Variants in HYCC1 observed in about 807,000 individuals in gnomAD.
HYCC1 encodes the protein hyccin.
chr7:22,957,921 T>C, the HYCC1 span, among the ~76,000 whole-genome samples: 1 of 151,878 alleles, frequency 6.6e-6, no homozygotes, highest in Non-Finnish European at 1.5e-5. Context: ...TATAAACAAA[T>C]TTTGTTTTGA....
the HYCC1 span, among the ~76,000 whole-genome samples, chr7:22,984,934 T>A: frequency 6.6e-6 from 1 of 152,068 alleles, no homozygotes; most frequent in Non-Finnish European, 1.5e-5. Context: ...CAGAGAGTAA[T>A]GGGAAGAGAT....
the HYCC1 span, among the ~76,000 whole-genome samples, chr7:22,929,621 T>C: frequency 1.3e-5 from 2 of 152,046 alleles, no homozygotes; most frequent in South Asian, 2.1e-4. Context: ...ATCAGAGAAA[T>C]GCAAATCAAA....
chr7:22,899,869 G>T, the HYCC1 span, among the ~76,000 whole-genome samples: 1 of 151,674 alleles, frequency 6.6e-6, no homozygotes, highest in African/African-American at 2.4e-5. Context: ...TTTTTTTAAA[G>T]AAAAGTTATG....
the HYCC1 span, among the ~76,000 whole-genome samples, chr7:22,947,511 A>G: frequency 4.8e-4 from 73 of 152,222 alleles, no homozygotes; most frequent in African/African-American, 1.7e-3. Flanking sequence ...CACATTTCAC[A>G]TGGAATATGA....
chr7:22,989,573 G>A, the HYCC1 span, among the ~76,000 whole-genome samples: 5 of 151,712 alleles, frequency 3.3e-5, no homozygotes, highest in Admixed American at 3.3e-4. Flanking sequence ...GCCTAGGCTG[G>A]TCTTAAACTC....
At chr7:22,953,079 A>G in the HYCC1 span, among the ~76,000 whole-genome samples, 1 of 151,970 alleles carries the variant, frequency 6.6e-6, no homozygotes, top group Non-Finnish European at 1.5e-5. Context: ...CTCCTTATTG[A>G]GGTGGATTCA....
the HYCC1 span, chr7:22,961,134 T>A: frequency 1.2e-5 from 9 of 754,712 alleles, no homozygotes; most frequent in South Asian, 1.3e-4. Flanking sequence ...ATACACTGAG[T>A]ATTAATGACA....
At chr7:22,903,259 CT>C in the HYCC1 span, among the ~76,000 whole-genome samples, 1 of 151,848 alleles carries the variant, frequency 6.6e-6, no homozygotes, top group African/African-American at 2.4e-5. Flanking sequence ...AGCATACAAA[CT>C]TGTACACAAA....
At chr7:22,920,260 T>A in the HYCC1 span, among the ~76,000 whole-genome samples, 4 of 152,144 alleles carry the variant, frequency 2.6e-5, no homozygotes, top group East Asian at 7.7e-4. Flanking sequence ...GGTGGAAGGA[T>A]CTCTTCAATG....
the HYCC1 span, among the ~76,000 whole-genome samples, chr7:22,922,487 C>T: frequency 6.6e-6 from 1 of 152,320 alleles, no homozygotes; most frequent in Middle Eastern, 3.4e-3. Flanking sequence ...AGCTTACTGC[C>T]ACTGCCTGGC....
the HYCC1 span, among the ~76,000 whole-genome samples, chr7:22,977,827 C>G: frequency 6.6e-6 from 1 of 152,140 alleles, no homozygotes; most frequent in African/African-American, 2.4e-5. Flanking sequence ...CATATAAACT[C>G]TATTAGTAAT....
chr7:22,905,481 C>T, the HYCC1 span, among the ~76,000 whole-genome samples: 6 of 149,360 alleles, frequency 4.0e-5, no homozygotes, highest in Admixed American at 1.3e-4. Context: ...GTGATCTACC[C>T]GCCTCAGCCT....
At chr7:22,999,224 CAAATT>C in the HYCC1 span, among the ~76,000 whole-genome samples, 1 of 152,094 alleles carries the variant, frequency 6.6e-6, no homozygotes, top group Admixed American at 6.6e-5. Flanking sequence ...ATATCACAAA[CAAATT>C]ATTTTACATT....
the HYCC1 span, among the ~76,000 whole-genome samples, chr7:22,966,686 T>C: frequency 3.9e-5 from 6 of 152,322 alleles, no homozygotes; most frequent in East Asian, 1.2e-3. Context: ...CTTAAAGTTA[T>C]TTCCCCTACT....
the HYCC1 span, among the ~76,000 whole-genome samples, chr7:22,929,368 G>T: frequency 6.6e-6 from 1 of 152,176 alleles, no homozygotes; most frequent in Non-Finnish European, 1.5e-5. Context: ...AAGAGCTTCT[G>T]CACAGCAAAA....
the HYCC1 span, among the ~76,000 whole-genome samples, chr7:22,951,687 C>G: frequency 1.3e-5 from 2 of 151,506 alleles, no homozygotes; most frequent in East Asian, 3.9e-4. Context: ...TTTATAATAG[C>G]AAAACTCAGA....
the HYCC1 span, among the ~76,000 whole-genome samples, chr7:22,910,067 C>G: frequency 6.6e-6 from 1 of 152,202 alleles, no homozygotes; most frequent in Non-Finnish European, 1.5e-5. Context: ...AAATGCAACT[C>G]AGTGACAAAT....
the HYCC1 span, chr7:22,936,867 C>A: frequency 6.6e-6 from 1 of 152,198 alleles, no homozygotes; most frequent in Admixed American, 6.5e-5. Context: ...CTCAATTTTA[C>A]CCCTTCAGGG....
the HYCC1 span, among the ~76,000 whole-genome samples, chr7:22,919,126 C>CA: frequency 2.0e-5 from 3 of 152,000 alleles, no homozygotes; most frequent in Non-Finnish European, 4.4e-5. Flanking sequence ...TACATGGGAA[C>CA]AAAAAAATTG....
Sources: gnomAD v4.1 joint callset for allele counts (sites outside exome capture counted in the v4.1 genomes callset) on GRCh38, gnomAD v4.1.1 for gene constraint, MANE v1.5 for transcripts, NCBI Gene and HGNC (gene_info 2026-07-23, HGNC 2026-07-21) for gene names.